Variants in GSK3B observed in about 807,000 individuals in gnomAD.
GSK3B encodes the protein glycogen synthase kinase 3 beta, also known as glycogen synthase kinase-3 beta.
GSK3B carries 15 observed loss-of-function variants against 56.4 expected under a neutral mutation model. The observed-to-expected ratio is 0.27, with a 90% confidence interval of 0.18 to 0.41. GSK3B has a LOEUF of 0.41. Among genes scored for constraint, GSK3B ranks in the 10% least tolerant of loss-of-function variants. GSK3B has a pLI of 1.00. For missense variants in GSK3B, 300 were observed against 513.4 expected, an observed-to-expected ratio of 0.58 and a Z score of 4.02; for synonymous variants, 181 against 188.9, an observed-to-expected ratio of 0.96 and a Z score of 0.34.
At chr3:119,932,158 A>G (rs559275487) in intron 3 of GSK3B, among the ~76,000 whole-genome samples, 1 of 152,364 alleles carries the variant, frequency 6.6e-6, no homozygotes, top group East Asian at 1.9e-4. Context: ...ATATAATTTT[A>G]AAAATCTGAT....
At chr3:120,006,278 C>G (rs914599658) in intron 1 of GSK3B, among the ~76,000 whole-genome samples, 1 of 152,136 alleles carries the variant, frequency 6.6e-6, no homozygotes, top group Non-Finnish European at 1.5e-5. Context: ...TCCTTGGAGA[C>G]CTACAAAGAG....
At chr3:119,842,250 C>G (rs1378979253) in intron 10 of GSK3B, among the ~76,000 whole-genome samples, 3 of 152,180 alleles carry the variant, frequency 2.0e-5, no homozygotes, top group African/African-American at 7.2e-5. Context: ...CCGGTTCTCA[C>G]TAAATCAGGC....
Position 120,093,257 on chromosome 3 carries a change from G to A in GSK3B, c.88+90C>T, listed in dbSNP as rs1375563546. 8 of 849,570 alleles carry A rather than the reference G, an allele frequency of 9.4e-6. No individual in the cohort carries two copies. The African/African-American group carries it at 1.0e-4, about 11-fold the overall frequency. 52.6% of individuals were successfully genotyped at this position (849,570 alleles called of 1,614,324 possible). A position where few individuals can be genotyped will look rare whatever the true frequency, so the allele number is the denominator to read the frequency against. ...CCCTTTTCCATTGCCTGTTTATCAG[G>A]AGGTCTAATAATTTCAGATCCTGGT... On this transcript the variant is annotated intron_variant, in intron 1 of 10. Coordinates refer to ENST00000264235, the MANE Select transcript of GSK3B (RefSeq NM_001146156.2).
In GSK3B at chr3:119,902,648, C is replaced by T. The variant is rs138061149; in HGVS notation, c.813+3107G>A. 3.0e-4 allele frequency among the ~76,000 whole-genome samples: 46 copies of T among 152,260 alleles called. No homozygotes were observed. The East Asian group carries it at 8.9e-3, about 29-fold the overall frequency. ...TTGACCTCAAGTGATCTGCGCACCT[C>T]GGCCTCCCAAAGTGTTGGGATTACA... On this transcript the variant is annotated intron_variant, in intron 7 of 10. Coordinates refer to ENST00000264235, the MANE Select transcript of GSK3B (RefSeq NM_001146156.2).
intron 2 of GSK3B, among the ~76,000 whole-genome samples, chr3:119,988,659 C>A (rs964607479): frequency 1.3e-5 from 2 of 152,140 alleles, no homozygotes; most frequent in Non-Finnish European, 2.9e-5. Context: ...ACCAGGAATA[C>A]CAAGTTATCT....
intron 9 of GSK3B, among the ~76,000 whole-genome samples, chr3:119,860,002 A>G (rs750437019): frequency 5.9e-5 from 9 of 152,214 alleles, no homozygotes; most frequent in Non-Finnish European, 1.2e-4. Flanking sequence ...AAGTAAATGG[A>G]TAATATCTTT....
chr3:119,976,667 A>G (rs893617319), intron 2 of GSK3B, among the ~76,000 whole-genome samples: 5 of 151,968 alleles, frequency 3.3e-5, no homozygotes, highest in African/African-American at 1.2e-4. Context: ...ACTAAAACCA[A>G]TGAGTTATAT....
intron 1 of GSK3B, among the ~76,000 whole-genome samples, chr3:120,032,971 A>G (rs1470357936): frequency 6.6e-6 from 1 of 152,212 alleles, no homozygotes; most frequent in Non-Finnish European, 1.5e-5. Context: ...CAATTTCATT[A>G]CCCCAAAAAG....
chr3:119,947,150 G>C (rs1252600497), intron 3 of GSK3B, 118 bp downstream of exon 3: 2 of 670,596 alleles, frequency 3.0e-6, no homozygotes, highest in Admixed American at 2.3e-5. Flanking sequence ...GCTGGGGCAA[G>C]TGTTTCGGAA....
chr3:119,941,585 C>T (rs1307694067), intron 3 of GSK3B, among the ~76,000 whole-genome samples: 2 of 152,086 alleles, frequency 1.3e-5, no homozygotes, highest in African/African-American at 2.4e-5. Context: ...TAATTGGTTG[C>T]TATGAGGTTT....
intron 2 of GSK3B, among the ~76,000 whole-genome samples, chr3:119,947,665 T>A (rs1327827020): frequency 6.6e-6 from 1 of 152,010 alleles, no homozygotes; most frequent in African/African-American, 2.4e-5. Flanking sequence ...TTTTAAAAAT[T>A]TCATCTTTCT....
chr3:120,058,392 G>A (rs751421252), intron 1 of GSK3B, among the ~76,000 whole-genome samples: 1 of 152,178 alleles, frequency 6.6e-6, no homozygotes, highest in Admixed American at 6.5e-5. Flanking sequence ...CGTACAGCCA[G>A]TCTCAATTTG....
At chr3:119,903,803 A>C (rs1414492143) in intron 7 of GSK3B, among the ~76,000 whole-genome samples, 1 of 152,194 alleles carries the variant, frequency 6.6e-6, no homozygotes, top group African/African-American at 2.4e-5. Context: ...ATATATGACA[A>C]ATAGAATAGC....
chr3:119,844,052 A>T (rs2055818856), intron 9 of GSK3B, among the ~76,000 whole-genome samples: 2 of 152,186 alleles, frequency 1.3e-5, no homozygotes, highest in Non-Finnish European at 2.9e-5. Context: ...TGGAAACTAA[A>T]CAACCTGCTC....
chr3:120,025,410 AAC>A (rs1316187637), intron 1 of GSK3B, among the ~76,000 whole-genome samples: 3 of 152,210 alleles, frequency 2.0e-5, no homozygotes, highest in South Asian at 2.1e-4. Context: ...AACAGAAAAA[AAC>A]ACAGTGAAAA....
At chr3:119,834,639 C>G (rs1319395240) in intron 10 of GSK3B, among the ~76,000 whole-genome samples, 2 of 152,090 alleles carry the variant, frequency 1.3e-5, no homozygotes, top group African/African-American at 2.4e-5. Flanking sequence ...AACATTTTCA[C>G]TGTTCCTTTA....
intron 2 of GSK3B, among the ~76,000 whole-genome samples, chr3:119,947,563 G>A (rs2057112480): frequency 6.6e-6 from 1 of 152,074 alleles, no homozygotes. Flanking sequence ...GACAAATACA[G>A]AAATTGAGAG....
At chr3:120,046,765 T>C (rs371370810) in intron 1 of GSK3B, among the ~76,000 whole-genome samples, 168 of 152,218 alleles carry the variant, frequency 1.1e-3, no homozygotes, top group African/African-American at 4.0e-3. Context: ...TGCGCCACCA[T>C]GCCCAGCTAA....
At chr3:119,965,038 C>CTT (rs573903125) in intron 2 of GSK3B, among the ~76,000 whole-genome samples, 11 of 125,626 alleles carry the variant, frequency 8.8e-5, no homozygotes, top group East Asian at 2.2e-4. Context: ...ATTATGTTTT[C>CTT]TTTTTTTTTT....
Sources: gnomAD v4.1 joint callset for allele counts (sites outside exome capture counted in the v4.1 genomes callset) on GRCh38, gnomAD v4.1.1 for gene constraint, MANE v1.5 for transcripts, NCBI Gene and HGNC (gene_info 2026-07-23, HGNC 2026-07-21) for gene names.